Variants in MAL2 observed in about 807,000 individuals in gnomAD.
The protein encoded by MAL2 is protein MAL2.
A neutral mutation model predicts 18.1 loss-of-function variants in MAL2; 17 were observed. That is an observed-to-expected ratio of 0.94 (90% CI 0.64 to 1.41). The LOEUF is 1.41. MAL2 is among the 40% of genes most tolerant of loss of function. MAL2 has a pLI of 0.00. For missense variants in MAL2, 222 were observed against 231.9 expected, an observed-to-expected ratio of 0.96 and a Z score of 0.28; for synonymous variants, 102 against 102.3, an observed-to-expected ratio of 1.00 and a Z score of 0.02.
intron 2 of MAL2, among the ~76,000 whole-genome samples, chr8:119,229,416 G>C (rs192885936): frequency 6.6e-6 from 1 of 150,864 alleles, no homozygotes; most frequent in African/African-American, 2.4e-5. Flanking sequence ...GGATTCAAGC[G>C]ATTCTTCTGC....
At position 119,240,241 on chromosome 8, in the gene MAL2, A is replaced by G. The variant is rs766008189; in HGVS notation, c.380A>G (p.His127Arg). Residue 127 changes from histidine (H) to arginine (R), a missense_variant, in exon 3 of 4, where the codon CAT becomes CGT. By Grantham distance (29) the His-to-Arg change is conservative. Transcript: ENST00000614891. ...TTGGAAGCAGCAGCCACATCCCTGC[A>G]TGATTTGCATTGCAATACAACCATA... is the stretch of plus-strand genomic sequence containing the variant. ...FLLEAAATSL[H>R]DLHCNTTITG... is the part of the protein sequence containing the mutation. 3 of 1,613,810 alleles carry G rather than the reference A, an allele frequency of 1.9e-6. No homozygotes were observed. Among genetic ancestry groups the G allele is most frequent in the Non-Finnish European group, 2.5e-6 (3 of 1,179,848 alleles).
At chr8:119,225,821 G>A (rs1179114091) in intron 2 of MAL2, among the ~76,000 whole-genome samples, 3 of 152,164 alleles carry the variant, frequency 2.0e-5, no homozygotes, top group Admixed American at 1.3e-4. Flanking sequence ...TCTAACTGGT[G>A]TGAGATGGTA....
intron 2 of MAL2, 28 bp from the exon 3 acceptor site, chr8:119,240,137 T>C (rs1563779063): frequency 3.1e-6 from 5 of 1,599,292 alleles, no homozygotes; most frequent in Non-Finnish European, 8.5e-7. Context: ...TTTTTTTAAT[T>C]GCAGATGTCT....
chr8:119,232,498 G>C (rs905359268), intron 2 of MAL2, among the ~76,000 whole-genome samples: 1 of 152,118 alleles, frequency 6.6e-6, no homozygotes, highest in Non-Finnish European at 1.5e-5. Flanking sequence ...AATATGAACT[G>C]TAATAGTGTT....
chr8:119,231,573 T>C (rs1314886679), intron 2 of MAL2, among the ~76,000 whole-genome samples: 3 of 152,180 alleles, frequency 2.0e-5, no homozygotes, highest in Non-Finnish European at 4.4e-5. Flanking sequence ...AACTACCATA[T>C]GATCTAGCAA....
In MAL2 at chr8:119,226,292, A is replaced by G. The variant is rs550302670; in HGVS notation, c.303+4535A>G. 3.9e-3 allele frequency among the ~76,000 whole-genome samples: 599 copies of G among 152,188 alleles called. 6 individuals are homozygous for G. Among genetic ancestry groups the G allele is most frequent in the African/African-American group, 0.013 (533 of 41,516 alleles). On this transcript the variant is annotated intron_variant, in intron 2 of 3. Transcript: ENST00000614891. ...TTTAGGTCTAACATTTAAGTCTTCA[A>G]TCCATCTTGAATTAATTTTTGTATA...
At chr8:119,210,062 C>T (rs529025375) in intron 1 of MAL2, among the ~76,000 whole-genome samples, 1 of 152,256 alleles carries the variant, frequency 6.6e-6, no homozygotes, top group African/African-American at 2.4e-5. Context: ...GAAGTTTTTG[C>T]CATATCCGCA....
At chr8:119,233,823 T>C (rs557367004) in intron 2 of MAL2, among the ~76,000 whole-genome samples, 10 of 151,988 alleles carry the variant, frequency 6.6e-5, no homozygotes, top group Admixed American at 1.3e-4. Context: ...CTAACTCATT[T>C]TATGAGGCTA....
chr8:119,218,175 G>A (rs145012662), intron 1 of MAL2, among the ~76,000 whole-genome samples: 3 of 152,080 alleles, frequency 2.0e-5, no homozygotes, highest in Non-Finnish European at 4.4e-5. Flanking sequence ...CAGAATCTCA[G>A]CTCTAGGGAT....
intron 2 of MAL2, among the ~76,000 whole-genome samples, chr8:119,226,868 G>C (rs1029109335): frequency 6.6e-6 from 1 of 152,222 alleles, no homozygotes; most frequent in African/African-American, 2.4e-5. Context: ...TTCTGATGCA[G>C]GCTAACATTT....
At chr8:119,212,142 A>G (rs1817275760) in intron 1 of MAL2, among the ~76,000 whole-genome samples, 1 of 152,204 alleles carries the variant, frequency 6.6e-6, no homozygotes, top group African/African-American at 2.4e-5. Context: ...TTAAAAAATA[A>G]CATGGGATCA....
At chr8:119,243,106 T>C (rs1257653196) in intron 3 of MAL2, among the ~76,000 whole-genome samples, 2 of 152,194 alleles carry the variant, frequency 1.3e-5, no homozygotes, top group Non-Finnish European at 2.9e-5. Flanking sequence ...ATACAGTGCT[T>C]AGGGATTCAC....
At chr8:119,235,680 A>T (rs1487517893) in intron 2 of MAL2, among the ~76,000 whole-genome samples, 2 of 151,760 alleles carry the variant, frequency 1.3e-5, no homozygotes, top group Admixed American at 1.3e-4. Flanking sequence ...AGAATTTCAT[A>T]TCCAGCCAAA....
At chr8:119,241,420 G>A (rs1340820921) in intron 3 of MAL2, among the ~76,000 whole-genome samples, 1 of 152,144 alleles carries the variant, frequency 6.6e-6, no homozygotes, top group East Asian at 1.9e-4. Flanking sequence ...TGTGCCTGTA[G>A]TGCTACCTAC....
rs945051597 is a variant in MAL2, at chr8:119,212,414, T to A, written c.132+3810T>A. ...ATGCTTCTAACTGCAGTGTTTTGGA[T>A]GCCATAGTAATTTTCATTTACTCAG... is the stretch of plus-strand genomic sequence containing the variant. On this transcript the variant is annotated intron_variant, in intron 1 of 3. Transcript: ENST00000614891. 2.0e-5 allele frequency among the ~76,000 whole-genome samples: 3 copies of A among 152,186 alleles called. No homozygotes were observed. The East Asian group carries it at 5.8e-4, about 29-fold the overall frequency.
At chr8:119,241,109 A>G (rs927693828) in intron 3 of MAL2, among the ~76,000 whole-genome samples, 8 of 152,174 alleles carry the variant, frequency 5.3e-5, no homozygotes, top group Non-Finnish European at 1.0e-4. Flanking sequence ...CCCAGTACTC[A>G]TATAGTCATT....
At chr8:119,238,842 T>A (rs1817976939) in intron 2 of MAL2, among the ~76,000 whole-genome samples, 3 of 151,328 alleles carry the variant, frequency 2.0e-5, no homozygotes, top group Admixed American at 1.3e-4. Context: ...AACCTAGGCA[T>A]TACCATTCAG....
intron 1 of MAL2, among the ~76,000 whole-genome samples, chr8:119,217,764 G>A (rs1218275817): frequency 3.9e-5 from 6 of 152,078 alleles, no homozygotes; most frequent in African/African-American, 7.2e-5. Flanking sequence ...CCATTTTTGT[G>A]TTCTGCTTTT....
rs754407976 is a variant in MAL2 at position 119,232,642 on chromosome 8, G to A, written c.304-7523G>A. On this transcript the variant is annotated intron_variant, in intron 2 of 3. Transcript: ENST00000614891. Reference sequence around the variant, plus strand: ...TGTTATTGAATTCTATTAGTCTTCTGTATCTTTCAGTGGAAAATCTCTAAT... The same window carrying A: ...TGTTATTGAATTCTATTAGTCTTCTATATCTTTCAGTGGAAAATCTCTAAT... 3.9e-5 allele frequency among the ~76,000 whole-genome samples: 6 copies of A among 152,156 alleles called. No individual in the cohort carries two copies. In the South Asian group the frequency reaches 1.0e-3, roughly 26 times the overall value.
Sources: allele counts gnomAD v4.1 joint callset (sites outside exome capture counted in the v4.1 genomes callset), GRCh38; gene constraint gnomAD v4.1.1; transcripts MANE v1.5; gene names NCBI Gene and HGNC (gene_info 2026-07-23, HGNC 2026-07-21).